The following PRUNE2 variants were observed in gnomAD, a reference collection of about 807,000 sequenced individuals.
The protein encoded by PRUNE2 is prune homolog 2 with BCH domain.
In PRUNE2, 164 loss-of-function variants were observed where a neutral mutation model predicts 252.0. That is an observed-to-expected ratio of 0.65 (90% CI 0.57 to 0.74). The LOEUF is 0.74. Ranked by LOEUF, PRUNE2 falls within the 30% of genes least tolerant of loss-of-function variation. The pLI, the probability that PRUNE2 is intolerant of heterozygous loss-of-function variation, is 0.00. For missense variants in PRUNE2, 3,495 were observed against 3,711.0 expected, an observed-to-expected ratio of 0.94 and a Z score of 1.51; for synonymous variants, 1,292 against 1,350.2, an observed-to-expected ratio of 0.96 and a Z score of 0.94.
chr9:76,675,936 G>T, intron 9 of PRUNE2, among the ~76,000 whole-genome samples: 1 of 107,182 alleles, frequency 9.3e-6, no homozygotes, highest in Non-Finnish European at 1.9e-5. Flanking sequence ...GAGGTGGGAG[G>T]GATATCATCG....
intron 6 of PRUNE2, among the ~76,000 whole-genome samples, chr9:76,783,420 A>G (rs575733130): frequency 6.6e-6 from 1 of 152,270 alleles, no homozygotes; most frequent in South Asian, 2.1e-4. Context: ...TACAGGTGTG[A>G]GCCACTGCTC....
chr9:76,902,989 A>T (rs2063270886), intron 1 of PRUNE2, among the ~76,000 whole-genome samples: 1 of 152,232 alleles, frequency 6.6e-6, no homozygotes, highest in South Asian at 2.1e-4. Flanking sequence ...TAGAATTGAG[A>T]GTGATCTCCT....
At position 76,887,074 on chromosome 9, in the gene PRUNE2, T is replaced by C. The variant is rs541429796; in HGVS notation, c.36+18854A>G. Among the ~76,000 whole-genome samples the C allele has an allele frequency of 2.0e-5, 3 of 152,316 alleles. No individual in the cohort carries two copies. The South Asian group carries it at 6.2e-4, about 32-fold the overall frequency. ...CGTCTTTTGTTAGTCCCAATTTATATTTCTTATATTGGGAAGAAACTAAAG... is the reference window on the plus strand; with the variant it reads ...CGTCTTTTGTTAGTCCCAATTTATACTTCTTATATTGGGAAGAAACTAAAG... On this transcript the variant is annotated intron_variant, in intron 1 of 18. Transcript: ENST00000376718.
chr9:76,770,465 T>A (rs1410068033), intron 6 of PRUNE2, among the ~76,000 whole-genome samples: 1 of 152,148 alleles, frequency 6.6e-6, no homozygotes, highest in East Asian at 1.9e-4. Flanking sequence ...GAATATATGA[T>A]TCAAAAATTG....
chr9:76,631,087 C>T (rs375868116), intron 15 of PRUNE2, among the ~76,000 whole-genome samples: 2 of 152,190 alleles, frequency 1.3e-5, no homozygotes, highest in East Asian at 3.9e-4. Context: ...AACAACCGTC[C>T]TCTCCATACA....
chr9:76,673,151 C>T (rs1186760942), intron 9 of PRUNE2, among the ~76,000 whole-genome samples: 3 of 151,758 alleles, frequency 2.0e-5, no homozygotes, highest in Admixed American at 6.6e-5. Context: ...ATTGATAGAC[C>T]GCTAGCAAGA....
chr9:76,812,612 C>T (rs2057429174), intron 6 of PRUNE2, among the ~76,000 whole-genome samples: 1 of 152,190 alleles, frequency 6.6e-6, no homozygotes, highest in Non-Finnish European at 1.5e-5. Flanking sequence ...ATTCTAGCGA[C>T]CTTATGCTTA....
chr9:76,880,147 T>C (rs2061695622), intron 1 of PRUNE2, among the ~76,000 whole-genome samples: 1 of 151,752 alleles, frequency 6.6e-6, no homozygotes, highest in Non-Finnish European at 1.5e-5. Flanking sequence ...TCTCCTGACC[T>C]TGTGATCCGC....
intron 6 of PRUNE2, chr9:76,784,871 T>C (rs2054808434): frequency 6.6e-6 from 1 of 152,322 alleles, no homozygotes; most frequent in South Asian, 2.1e-4. Flanking sequence ...TTGTGCCCAT[T>C]CTCAAGACCT....
chr9:76,883,287 T>TA lies in PRUNE2; in HGVS notation c.36+22640dup, dbSNP rs780545594. Among the ~76,000 whole-genome samples the TA allele has an allele frequency of 7.8e-4, 118 of 152,134 alleles. 3 individuals carry two copies. The highest frequency in any genetic ancestry group is 3.4e-4 in the Non-Finnish European group (23 of 68,018). ...CAAGAATCCATCTTACTCCCCACAG[T>TA]AAAAAAACATCGCACCTTTCGGGTT... On this transcript the variant is annotated intron_variant, in intron 1 of 18. Transcript: ENST00000376718.
At chr9:76,678,685 C>T (rs961465695) in intron 9 of PRUNE2, among the ~76,000 whole-genome samples, 6 of 151,976 alleles carry the variant, frequency 3.9e-5, no homozygotes, top group Admixed American at 2.6e-4. Context: ...AAAAATTAGC[C>T]GGGCGTGGTG....
At chr9:76,896,496 C>A (rs1051352892) in intron 1 of PRUNE2, among the ~76,000 whole-genome samples, 1 of 152,322 alleles carries the variant, frequency 6.6e-6, no homozygotes, top group East Asian at 1.9e-4. Context: ...GTTGCACTTA[C>A]AACGCATCCT....
chr9:76,636,500 T>G lies in PRUNE2; in HGVS notation c.9021A>C (p.Thr3007=). The G allele has an allele frequency of 6.4e-7, 1 of 1,555,898 alleles. No homozygotes were observed. The highest frequency in any genetic ancestry group is 8.7e-7 in the Non-Finnish European group (1 of 1,146,140). Residue 3007 remains threonine, a synonymous_variant, in exon 15 of 19, where the codon ACA becomes ACC. Coordinates refer to ENST00000376718, the MANE Select transcript of PRUNE2 (RefSeq NM_015225.3). ...IIVHPSWFIR[T]ILAVTRPFIS... ...TAAAAGGTCGTGTCACAGCAAGGAT[T>G]GTTCTGATGAACCAAGATGGATGAA...
At chr9:76,782,338 G>A (rs969763326) in intron 6 of PRUNE2, among the ~76,000 whole-genome samples, 2 of 152,196 alleles carry the variant, frequency 1.3e-5, no homozygotes, top group Non-Finnish European at 2.9e-5. Flanking sequence ...TTCTGGGGAG[G>A]AACAGTCAGC....
chr9:76,706,076 G>A lies in PRUNE2; in HGVS notation c.6198C>T (p.Ala2066=), dbSNP rs372544904. The A allele has an allele frequency of 1.4e-5, 23 of 1,613,836 alleles. No individual in the cohort carries two copies. The highest frequency in any genetic ancestry group is 1.0e-4 in the Admixed American group (6 of 60,006). Residue 2066 remains alanine (A), a synonymous_variant, in exon 8 of 19, where the codon GCC becomes GCT. Coordinates refer to ENST00000376718, the MANE Select transcript of PRUNE2 (RefSeq NM_015225.3). ...TAGCATCTATCCACAAGTCAGGCGC[G>A]GCAGAGGCCAGCTGCCCACCCTCTT... ...NFQEGGQLAS[A]APDLWIDAKK...
At chr9:76,832,030 C>T (rs1005933373) in intron 4 of PRUNE2, among the ~76,000 whole-genome samples, 1 of 152,018 alleles carries the variant, frequency 6.6e-6, no homozygotes. Flanking sequence ...ATAAATATTT[C>T]TATATTAATA....
At chr9:76,787,302 T>C (rs547883705) in intron 6 of PRUNE2, 1 of 140,690 alleles carries the variant, frequency 7.1e-6, no homozygotes, top group Admixed American at 6.8e-5. Context: ...TATATTACGT[T>C]GTTATTATTT....
chr9:76,898,016 G>T (rs929935296), intron 1 of PRUNE2, among the ~76,000 whole-genome samples: 33 of 152,112 alleles, frequency 2.2e-4, no homozygotes, highest in African/African-American at 7.7e-4. Flanking sequence ...AGCCCTGTGA[G>T]GCCAGTGCTA....
chr9:76,826,339 A>G (rs1266989445), intron 5 of PRUNE2, among the ~76,000 whole-genome samples: 1 of 152,112 alleles, frequency 6.6e-6, no homozygotes, highest in African/African-American at 2.4e-5. Context: ...GCTGACTGTC[A>G]TGGTGCATGC....
Sources: allele counts gnomAD v4.1 joint callset (sites outside exome capture counted in the v4.1 genomes callset), GRCh38; gene constraint gnomAD v4.1.1; transcripts MANE v1.5; gene names NCBI Gene and HGNC (gene_info 2026-07-23, HGNC 2026-07-21).